The following SEMA6D variants were observed in gnomAD, a reference collection of about 807,000 sequenced individuals.
SEMA6D encodes semaphorin-6D.
A neutral mutation model predicts 106.6 loss-of-function variants in SEMA6D; 35 were observed. The observed-to-expected ratio is 0.33, with a 90% CI of 0.25 to 0.44. The LOEUF is 0.44. Ranked by LOEUF, SEMA6D falls within the 20% of genes least tolerant of loss-of-function variation. The pLI, the probability that SEMA6D is intolerant of heterozygous loss-of-function variation, is 1.00. For synonymous variants in SEMA6D, 499 were observed against 487.7 expected (o/e 1.02, Z -0.31); for missense variants, 1,185 against 1,345.9 (o/e 0.88, Z 1.87).
intron 1 of SEMA6D, among the ~76,000 whole-genome samples, chr15:47,245,813 A>C (rs2141844388): frequency 6.6e-6 from 1 of 152,330 alleles, no homozygotes; most frequent in Non-Finnish European, 1.5e-5. Context: ...TCTAAGCATA[A>C]GAAATTGCAA....
intron 1 of SEMA6D, among the ~76,000 whole-genome samples, chr15:47,751,948 C>T (rs934670934): frequency 6.6e-6 from 1 of 151,952 alleles, no homozygotes; most frequent in Non-Finnish European, 1.5e-5. Context: ...AAAGGAGGAG[C>T]GAGGCTTGGT....
intron 4 of SEMA6D, among the ~76,000 whole-genome samples, chr15:47,684,123 G>T (rs901550695): frequency 3.9e-5 from 6 of 152,174 alleles, no homozygotes; most frequent in Non-Finnish European, 7.3e-5. Context: ...GAAAGATGCT[G>T]ATGGCTTCCT....
intron 1 of SEMA6D, among the ~76,000 whole-genome samples, chr15:47,216,623 T>C (rs1440532035): frequency 6.6e-6 from 1 of 151,728 alleles, no homozygotes; most frequent in Non-Finnish European, 1.5e-5. Flanking sequence ...AAACAAAGAG[T>C]CAGTTCCTTA....
intron 1 of SEMA6D, among the ~76,000 whole-genome samples, chr15:47,284,791 C>G (rs16959150): frequency 0.022 from 3,330 of 152,218 alleles, 124 homozygotes; most frequent in African/African-American, 0.076. Flanking sequence ...CTTTATCATT[C>G]TGTGCTTTAG....
At chr15:47,501,895 T>C (rs2043861333) in intron 3 of SEMA6D, among the ~76,000 whole-genome samples, 1 of 152,086 alleles carries the variant, frequency 6.6e-6, no homozygotes, top group Admixed American at 6.6e-5. Context: ...ATAAGCTTCA[T>C]TTACATCATT....
In SEMA6D at chr15:47,689,195, C is replaced by T. The variant is rs1024027840; in HGVS notation, c.-54-70550C>T. On this transcript the variant is annotated intron_variant, in intron 4 of 19. Transcript: ENST00000558014. ...CATTCACCATGCTCAACAATACACT[C>T]ATATTCAGATTCTTAAAATATATCC... Among the ~76,000 whole-genome samples the T allele has an allele frequency of 2.6e-5, 4 of 152,276 alleles. No homozygotes were observed. In the South Asian group the frequency reaches 6.2e-4, roughly 24 times the overall value.
chr15:47,656,878 G>A (rs1267756889), intron 4 of SEMA6D, among the ~76,000 whole-genome samples: 2 of 152,192 alleles, frequency 1.3e-5, no homozygotes, highest in Non-Finnish European at 2.9e-5. Flanking sequence ...AGAGACAGGA[G>A]TGGAAACCAG....
chr15:47,193,063 C>T (rs1170988725), intron 1 of SEMA6D, among the ~76,000 whole-genome samples: 3 of 152,154 alleles, frequency 2.0e-5, no homozygotes, highest in African/African-American at 7.2e-5. Flanking sequence ...TTTCCTCTCA[C>T]GCTTGCCCTT....
intron 3 of SEMA6D, among the ~76,000 whole-genome samples, chr15:47,475,305 A>G (rs749819936): frequency 1.3e-5 from 2 of 152,138 alleles, no homozygotes; most frequent in Admixed American, 1.3e-4. Flanking sequence ...TTGCATAACA[A>G]CTCTATAAAG....
Position 47,759,820 on chromosome 15 carries a change from G to A in SEMA6D, c.22G>A (p.Ala8Thr), listed in dbSNP as rs922535496. ...CACCATGAGGGTCTTCCTGCTTTGT[G>A]CCTACATACTGCTGCTGATGGTTTC... is the stretch of plus-strand genomic sequence containing the variant. MRVFLLCAYILLLMVSQL... is the reference protein window; with the variant it reads MRVFLLCTYILLLMVSQL... The change falls in exon 2 of 19, where the codon GCC becomes ACC. Residue 8 changes from alanine to threonine, a missense_variant. Physicochemically the swap from Ala to Thr is moderately conservative, Grantham distance 58. Transcript: ENST00000536845. 1 of 1,613,666 alleles carries A rather than the reference G, an allele frequency of 6.2e-7. No individual in the cohort carries two copies. Among genetic ancestry groups the A allele is most frequent in the African/African-American group, 1.3e-5 (1 of 74,916 alleles).
intron 3 of SEMA6D, among the ~76,000 whole-genome samples, chr15:47,494,576 A>G (rs2043576505): frequency 6.6e-6 from 1 of 151,126 alleles, no homozygotes; most frequent in African/African-American, 2.4e-5. Context: ...GGGAATTTTG[A>G]ATATATATGA....
intron 4 of SEMA6D, among the ~76,000 whole-genome samples, chr15:47,638,887 CA>C (rs1378261191): frequency 6.6e-6 from 1 of 152,226 alleles, no homozygotes; most frequent in Admixed American, 6.5e-5. Context: ...ATGATCAGTT[CA>C]TTGATTCTTA....
At chr15:47,600,654 T>C (rs1289053013) in intron 3 of SEMA6D, among the ~76,000 whole-genome samples, 1 of 152,168 alleles carries the variant, frequency 6.6e-6, no homozygotes, top group Non-Finnish European at 1.5e-5. Flanking sequence ...TAACTAATAA[T>C]GGAATTCAAT....
Position 47,530,968 on chromosome 15 carries a change from A to C in SEMA6D, c.-87+60423A>C, listed in dbSNP as rs376752941. On this transcript the variant is annotated intron_variant, in intron 3 of 19. Transcript: ENST00000558014. ...AGCACACTATCTGGCCAGAATAAGT[A>C]TTCAATAATTGTTCATTATTATTGG... 7.9e-5 allele frequency among the ~76,000 whole-genome samples: 12 copies of C among 152,238 alleles called. No homozygotes were observed. In the East Asian group the frequency reaches 9.6e-4, roughly 12 times the overall value.
At chr15:47,672,675 C>T (rs898189303) in intron 4 of SEMA6D, among the ~76,000 whole-genome samples, 4 of 151,972 alleles carry the variant, frequency 2.6e-5, no homozygotes, top group African/African-American at 9.7e-5. Flanking sequence ...GCTTTCTTTT[C>T]CTAATTGCAT....
intron 1 of SEMA6D, among the ~76,000 whole-genome samples, chr15:47,187,571 A>C (rs891381521): frequency 6.6e-6 from 1 of 152,196 alleles, no homozygotes; most frequent in Non-Finnish European, 1.5e-5. Flanking sequence ...TTACTCAACA[A>C]CTACTTGCTG....
At chr15:47,260,097 A>G (rs1188331959) in intron 1 of SEMA6D, among the ~76,000 whole-genome samples, 1 of 150,794 alleles carries the variant, frequency 6.6e-6, no homozygotes. Context: ...TTTCTACTTT[A>G]TATTTGTTTC....
intron 1 of SEMA6D, among the ~76,000 whole-genome samples, chr15:47,303,904 T>A (rs1001751289): frequency 6.6e-6 from 1 of 152,138 alleles, no homozygotes; most frequent in Admixed American, 6.5e-5. Context: ...CCTCTCCTGA[T>A]GACAAAATAA....
At chr15:47,432,686 A>G (rs984632269) in intron 2 of SEMA6D, among the ~76,000 whole-genome samples, 3 of 150,246 alleles carry the variant, frequency 2.0e-5, no homozygotes, top group Non-Finnish European at 4.5e-5. Flanking sequence ...GAGAAGAAAC[A>G]GAACAGGCAA....
Sources: allele counts gnomAD v4.1 joint callset (sites outside exome capture counted in the v4.1 genomes callset), GRCh38; gene constraint gnomAD v4.1.1; transcripts MANE v1.5; gene names NCBI Gene and HGNC (gene_info 2026-07-23, HGNC 2026-07-21).